The following CNTN6 variants were observed in gnomAD, a reference collection of about 807,000 sequenced individuals.
CNTN6 encodes the protein contactin 6.
Under a neutral mutation model 122.8 loss-of-function variants are expected in CNTN6, and 137 were observed. That is an observed-to-expected ratio of 1.12 (90% CI 0.97 to 1.29). The LOEUF is 1.29. CNTN6 is among the 50% of genes most tolerant of loss of function. CNTN6 has a pLI of 0.00. For synonymous variants in CNTN6, 570 were observed against 426.0 expected (o/e 1.34, Z -4.16); for missense variants, 1,634 against 1,223.4 (o/e 1.34, Z -5.01).
chr3:1,304,579 A>T (rs1423905376), intron 7 of CNTN6, among the ~76,000 whole-genome samples: 1 of 152,222 alleles, frequency 6.6e-6, no homozygotes, highest in Non-Finnish European at 1.5e-5. Flanking sequence ...GGCTTGAAAG[A>T]ATTCAGCAAA....
intron 2 of CNTN6, among the ~76,000 whole-genome samples, chr3:1,159,446 T>C (rs776987831): frequency 2.0e-5 from 3 of 152,140 alleles, no homozygotes; most frequent in African/African-American, 7.2e-5. Flanking sequence ...TTAAAACTTA[T>C]GACTTGTTTA....
intron 7 of CNTN6, among the ~76,000 whole-genome samples, chr3:1,299,944 C>T (rs1335756331): frequency 6.6e-6 from 1 of 151,994 alleles, no homozygotes; most frequent in Non-Finnish European, 1.5e-5. Context: ...AATAAATGCT[C>T]ACTGAATTAT....
intron 4 of CNTN6, among the ~76,000 whole-genome samples, chr3:1,228,925 A>C (rs1157006291): frequency 6.8e-6 from 1 of 146,468 alleles, no homozygotes; most frequent in Non-Finnish European, 1.5e-5. Context: ...TTGTGTTCCA[A>C]AGATTATTCT....
At chr3:1,101,183 T>G (rs2090874715) in intron 1 of CNTN6, among the ~76,000 whole-genome samples, 1 of 152,134 alleles carries the variant, frequency 6.6e-6, no homozygotes, top group Non-Finnish European at 1.5e-5. Context: ...ATAGTACACA[T>G]TCTGGGTTCT....
chr3:1,295,355 G>A (rs907515746), intron 5 of CNTN6, among the ~76,000 whole-genome samples: 1 of 152,002 alleles, frequency 6.6e-6, no homozygotes, highest in Admixed American at 6.6e-5. Flanking sequence ...ACATCCTATT[G>A]TTATATCCTT....
intron 12 of CNTN6, among the ~76,000 whole-genome samples, chr3:1,362,493 C>G (rs573105434): frequency 4.7e-4 from 72 of 152,150 alleles, no homozygotes; most frequent in African/African-American, 1.6e-3. Flanking sequence ...CTAGAACTGA[C>G]AATTGCAAGT....
intron 2 of CNTN6, among the ~76,000 whole-genome samples, chr3:1,172,350 A>T (rs1483974059): frequency 1.3e-5 from 2 of 152,102 alleles, no homozygotes; most frequent in Admixed American, 6.5e-5. Context: ...GCAGTGTATC[A>T]CAAAGGAGGA....
Position 1,211,517 on chromosome 3 carries a change from C to T in CNTN6, c.56-9170C>T, listed in dbSNP as rs184693964. On this transcript the variant is annotated intron_variant, in intron 2 of 22. Coordinates refer to ENST00000446702, the MANE Select transcript of CNTN6 (RefSeq NM_001289080.2). Reference sequence around the variant, plus strand: ...CTGTTTTAGTTGTAAGAAACAGAAACCATACAATTAGTGGTTCATGTAACC... The same window carrying T: ...CTGTTTTAGTTGTAAGAAACAGAAATCATACAATTAGTGGTTCATGTAACC... Among the ~76,000 whole-genome samples, 407 of 152,108 alleles carry T rather than the reference C, an allele frequency of 2.7e-3. 1 individual carries two copies. Among genetic ancestry groups the T allele is most frequent in the Middle Eastern group, 0.01 (3 of 294 alleles).
chr3:1,301,573 T>C (rs1333594936), intron 7 of CNTN6, among the ~76,000 whole-genome samples: 1 of 152,160 alleles, frequency 6.6e-6, no homozygotes, highest in African/African-American at 2.4e-5. Flanking sequence ...CATAGAAAAT[T>C]GTCAAGGAAA....
chr3:1,192,630 T>C (rs1286001996), intron 2 of CNTN6, among the ~76,000 whole-genome samples: 5 of 152,086 alleles, frequency 3.3e-5, no homozygotes, highest in Non-Finnish European at 7.4e-5. Context: ...TATTTATACA[T>C]TGTCACAGAT....
chr3:1,400,967 G>C (rs60979352), intron 20 of CNTN6, among the ~76,000 whole-genome samples: 2,070 of 152,104 alleles, frequency 0.014, 49 homozygotes, highest in African/African-American at 0.047. Flanking sequence ...AAAATATCTT[G>C]AGTTAGTTGT....
chr3:1,258,951 C>T (rs1181233970), intron 4 of CNTN6, among the ~76,000 whole-genome samples: 1 of 152,080 alleles, frequency 6.6e-6, no homozygotes, highest in Non-Finnish European at 1.5e-5. Flanking sequence ...GTTTGATTTT[C>T]CGGCCAATGT....
At chr3:1,167,751 C>T (rs1449772851) in intron 2 of CNTN6, among the ~76,000 whole-genome samples, 1 of 152,172 alleles carries the variant, frequency 6.6e-6, no homozygotes, top group Non-Finnish European at 1.5e-5. Flanking sequence ...TGTCTCGCTC[C>T]TGAATCTAAC....
At chr3:1,285,411 C>G (rs992861218) in intron 5 of CNTN6, among the ~76,000 whole-genome samples, 1 of 152,032 alleles carries the variant, frequency 6.6e-6, no homozygotes, top group Non-Finnish European at 1.5e-5. Context: ...CAGTTAGATA[C>G]AAGGGTGAAA....
At chr3:1,344,038 C>T (rs992910165) in intron 11 of CNTN6, among the ~76,000 whole-genome samples, 6 of 152,136 alleles carry the variant, frequency 3.9e-5, no homozygotes, top group Non-Finnish European at 8.8e-5. Context: ...AACACTGACT[C>T]CGTATCAGAA....
At position 1,317,326 on chromosome 3, in the gene CNTN6, A is replaced by G. The variant is rs1284695749; in HGVS notation, c.762-4324A>G. Among the ~76,000 whole-genome samples the G allele has an allele frequency of 3.3e-5, 5 of 151,882 alleles. 1 individual carries two copies. The highest frequency in any genetic ancestry group is 1.2e-4 in the African/African-American group (5 of 41,392). On this transcript the variant is annotated intron_variant, in intron 7 of 22. Coordinates refer to ENST00000446702, the MANE Select transcript of CNTN6 (RefSeq NM_001289080.2). Reference sequence around the variant, plus strand: ...ACCATATCATGTAATTCAATCACACAGATAGAAACTAACCTAGCTAGCATT... The same window carrying G: ...ACCATATCATGTAATTCAATCACACGGATAGAAACTAACCTAGCTAGCATT...
chr3:1,364,734 G>T (rs547859199), intron 12 of CNTN6, among the ~76,000 whole-genome samples: 1 of 152,006 alleles, frequency 6.6e-6, no homozygotes, highest in East Asian at 1.9e-4. Flanking sequence ...CTTCATGTCT[G>T]CTGGGGTCCC....
rs1025856208 is a variant in CNTN6, at chr3:1,401,341, C to G, written c.2705-92C>G. The stretch of plus-strand genomic sequence containing the variant: ...TTTTAGCTCCTTCTATGCAAATCAT[C>G]GAAGACTTATTTTTTCTTTTCATGT... On this transcript the variant is annotated intron_variant, in intron 20 of 22. Coordinates refer to ENST00000446702, the MANE Select transcript of CNTN6 (RefSeq NM_001289080.2). 54 of 977,742 alleles carry G rather than the reference C, an allele frequency of 5.5e-5. No individual in the cohort carries two copies. The African/African-American group carries it at 7.8e-4, about 14-fold the overall frequency. 60.6% of individuals were successfully genotyped at this position (977,742 alleles called of 1,614,324 possible). A position where few individuals can be genotyped will look rare whatever the true frequency, so the allele number is the denominator to read the frequency against.
chr3:1,367,235 C>A (rs1440042587), intron 12 of CNTN6, among the ~76,000 whole-genome samples: 1 of 151,946 alleles, frequency 6.6e-6, no homozygotes, highest in Admixed American at 6.6e-5. Flanking sequence ...CATGCTGTGC[C>A]GTAGGTCTCT....
Sources: allele counts gnomAD v4.1 joint callset (sites outside exome capture counted in the v4.1 genomes callset), GRCh38; gene constraint gnomAD v4.1.1; transcripts MANE v1.5; gene names NCBI Gene and HGNC (gene_info 2026-07-23, HGNC 2026-07-21).